PFKP: variants seen among roughly 807,000 people sequenced by gnomAD.
PFKP encodes the protein phosphofructokinase, platelet, also known as ATP-dependent 6-phosphofructokinase, platelet type.
A neutral mutation model predicts 94.3 loss-of-function variants in PFKP; 101 were observed. The observed-to-expected ratio is 1.07, with a 90% CI of 0.91 to 1.26. PFKP has a LOEUF of 1.26. Ranked by LOEUF, PFKP falls within the 50% of genes most tolerant of loss-of-function variation. The pLI, the probability that PFKP is intolerant of heterozygous loss-of-function variation, is 0.00. For missense variants in PFKP, 1,145 were observed against 1,103.3 expected (o/e 1.04, Z -0.53); for synonymous variants, 573 against 432.6 (o/e 1.32, Z -4.03).
intron 3 of PFKP, chr10:3,100,942 G>C: frequency 1.2e-6 from 2 of 1,611,706 alleles, no homozygotes; most frequent in South Asian, 1.1e-5. Context: ...GGTGACTGGA[G>C]GGAGAAGCCT....
At chr10:3,131,087 C>A (rs1308315952) in intron 17 of PFKP, among the ~76,000 whole-genome samples, 2 of 151,828 alleles carry the variant, frequency 1.3e-5, no homozygotes, top group African/African-American at 2.4e-5. Flanking sequence ...AAAAACATAT[C>A]TTTTTACATA....
chr10:3,073,890 T>G (rs976137539), intron 1 of PFKP, among the ~76,000 whole-genome samples: 1 of 152,122 alleles, frequency 6.6e-6, no homozygotes, highest in Non-Finnish European at 1.5e-5. Context: ...CAGCCTGGAG[T>G]GCAGTGGCTT....
chr10:3,104,729 C>T (rs1055529279), intron 5 of PFKP: 4 of 303,656 alleles, frequency 1.3e-5, no homozygotes, highest in African/African-American at 2.3e-5. Flanking sequence ...CACTTGTTTC[C>T]GTGGGAGAGA....
chr10:3,135,009 C>G (rs569914520), intron 20 of PFKP, among the ~76,000 whole-genome samples: 1 of 151,332 alleles, frequency 6.6e-6, no homozygotes. Flanking sequence ...TGTAGAACTG[C>G]ATGTTCGTAG....
intron 1 of PFKP, among the ~76,000 whole-genome samples, chr10:3,070,695 T>C (rs1319674609): frequency 6.6e-6 from 1 of 152,128 alleles, no homozygotes; most frequent in Admixed American, 6.5e-5. Flanking sequence ...GTGATTGTGA[T>C]AGGAGCAAAA....
In PFKP at chr10:3,113,834, T is replaced by C. The variant is rs536440616; in HGVS notation, c.1371+316T>C. On this transcript the variant is annotated intron_variant, in intron 13 of 21. Transcript: ENST00000381125. ...TGGCGTTGTCTCGGAGGCTGTGGTTTGTTTAAACCGGGCACTGGAGGGAAA... is the reference window on the plus strand; with the variant it reads ...TGGCGTTGTCTCGGAGGCTGTGGTTCGTTTAAACCGGGCACTGGAGGGAAA... Among the ~76,000 whole-genome samples the C allele has an allele frequency of 2.6e-5, 4 of 152,288 alleles. No individual in the cohort carries two copies. In the South Asian group the frequency reaches 8.3e-4, roughly 32 times the overall value.
In PFKP at chr10:3,101,562, G is replaced by T; in HGVS notation, c.454+8G>T. ...AGGAGCTGGCCAGGAACGGTGAGTG[G>T]ACACCTGCTCCTCTGTCCTGCGGGT... On this transcript the variant is annotated splice_region_variant and intron_variant, in intron 4 of 21. Transcript: ENST00000381125. 1.1e-5 allele frequency: 16 copies of T among 1,519,650 alleles called. No homozygotes were observed. Among genetic ancestry groups the T allele is most frequent in the Admixed American group, 6.3e-5 (3 of 47,556 alleles). 94.1% of individuals were successfully genotyped at this position (1,519,650 alleles called of 1,614,324 possible).
chr10:3,108,659 C>A, intron 8 of PFKP, 42 bp from the exon 9 acceptor site: 1 of 1,471,502 alleles, frequency 6.8e-7, no homozygotes, highest in Non-Finnish European at 9.5e-7. Flanking sequence ...GCTGCTGTGT[C>A]CGCATCACAG....
chr10:3,136,077 C>T (rs1430184083), intron 21 of PFKP, among the ~76,000 whole-genome samples: 1 of 152,072 alleles, frequency 6.6e-6, no homozygotes, highest in Admixed American at 6.6e-5. Context: ...CAACCTGGCT[C>T]ATATGGTGAA....
At chr10:3,106,220 ACGGGGCGCCTGTGGGGCGTC>A (rs1564308553) in intron 7 of PFKP, among the ~76,000 whole-genome samples, 2 of 150,592 alleles carry the variant, frequency 1.3e-5, no homozygotes, top group African/African-American at 2.4e-5. Context: ...CATGGCGTGC[ACGGGGCGCCTGTGGGGCGTC>A]CACCTGTGTG....
In PFKP at chr10:3,133,277, T is replaced by A. The variant is rs377691717; in HGVS notation, c.1985T>A (p.Phe662Tyr). The A allele has an allele frequency of 6.2e-7, 1 of 1,614,088 alleles. No homozygotes were observed. The highest frequency in any genetic ancestry group is 8.5e-7 in the Non-Finnish European group (1 of 1,179,916). ...TATTCAGAAGAGGGCAAAGGCGTGT[T>A]TGACTGCAGGAAGAACGTGCTGGGT... Reference protein sequence around the residue: ...QLYSEEGKGVFDCRKNVLGHM... With the variant: ...QLYSEEGKGVYDCRKNVLGHM... The change falls in exon 19 of 22, where the codon TTT becomes TAT. Residue 662 changes from phenylalanine (F) to tyrosine (Y), a missense_variant. Phe to Tyr is a conservative substitution (Grantham distance 22). Around this residue, in one of 3 missense-constraint regions of PFKP, gnomAD observed 1,119 missense variants for 1,062.8 expected, o/e 1.05. Transcript: ENST00000381125.
rs759926178 is a variant in PFKP, at chr10:3,121,803, C to CTTTTTTTTTTTTTTT, written c.1683+1772_1683+1786dup. Among the ~76,000 whole-genome samples, 28 of 32,614 alleles carry CTTTTTTTTTTTTTTT rather than the reference C, an allele frequency of 8.6e-4. 2 individuals carry two copies. Among genetic ancestry groups the CTTTTTTTTTTTTTTT allele is most frequent in the Non-Finnish European group, 1.0e-3 (17 of 16,882 alleles). The allele number at this position is 32,614 out of a possible 152,430, so 21.4% of individuals were successfully genotyped here. On this transcript the variant is annotated intron_variant, in intron 16 of 21. Coordinates refer to ENST00000381125, the MANE Select transcript of PFKP (RefSeq NM_002627.5). The stretch of plus-strand genomic sequence containing the variant: ...TAGGTTAAACAATTTCTTTTTTTTT[C>CTTTTTTTTTTTTTTT]TTTTTTTTTTTTTTTTTTTTTTTTT...
chr10:3,125,335 A>C (rs898953966), intron 16 of PFKP: 42 of 949,106 alleles, frequency 4.4e-5, no homozygotes, highest in Middle Eastern at 2.7e-4. Flanking sequence ...AGCCGGATTT[A>C]TTCTTCTTCT....
chr10:3,073,477 C>G (rs1043836808), intron 1 of PFKP, among the ~76,000 whole-genome samples: 6 of 145,318 alleles, frequency 4.1e-5, no homozygotes, highest in African/African-American at 1.5e-4. Context: ...CTGAGTGAGG[C>G]TCCGACTCTC....
At chr10:3,134,802 A>G (rs1365139025) in intron 20 of PFKP, among the ~76,000 whole-genome samples, 2 of 152,172 alleles carry the variant, frequency 1.3e-5, no homozygotes, top group African/African-American at 4.8e-5. Context: ...CTCTTTTATC[A>G]CTGCTAGATG....
intron 16 of PFKP, among the ~76,000 whole-genome samples, chr10:3,123,382 G>T (rs1837615141): frequency 1.3e-5 from 2 of 152,182 alleles, no homozygotes; most frequent in Non-Finnish European, 2.9e-5. Context: ...GCTGGGCAGG[G>T]TCTCCCCCGT....
At position 3,101,569 on chromosome 10, in the gene PFKP, GCTC is replaced by G; in HGVS notation, c.454+19_454+21del. 6.6e-7 allele frequency: 1 copy of G among 1,505,454 alleles called. No homozygotes were observed. The highest frequency in any genetic ancestry group is 8.9e-7 in the Non-Finnish European group (1 of 1,124,592). The allele number at this position is 1,505,454 out of a possible 1,614,324, so 93.3% of individuals were successfully genotyped here. On this transcript the variant is annotated intron_variant, in intron 4 of 21. Coordinates refer to ENST00000381125, the MANE Select transcript of PFKP (RefSeq NM_002627.5). ...GGCCAGGAACGGTGAGTGGACACCT[GCTC>G]CTCTGTCCTGCGGGTTTTCGCCCTG...
At chr10:3,081,130 T>C (rs1833039140) in intron 1 of PFKP, among the ~76,000 whole-genome samples, 1 of 152,244 alleles carries the variant, frequency 6.6e-6, no homozygotes, top group African/African-American at 2.4e-5. Flanking sequence ...GTTAGATACA[T>C]AGTAAACATG....
chr10:3,090,520 C>T (rs1046248935), intron 2 of PFKP, among the ~76,000 whole-genome samples: 1 of 152,204 alleles, frequency 6.6e-6, no homozygotes, highest in South Asian at 2.1e-4. Flanking sequence ...CTGAACACAT[C>T]TATTCACAGA....
Sources: allele counts gnomAD v4.1 joint callset (sites outside exome capture counted in the v4.1 genomes callset), GRCh38; gene constraint gnomAD v4.1.1; regional missense constraint gnomAD v4.1.1; transcripts MANE v1.5; gene names NCBI Gene and HGNC (gene_info 2026-07-23, HGNC 2026-07-21).